OR6C2: variants seen among roughly 807,000 people sequenced by gnomAD.
OR6C2 encodes the protein olfactory receptor family 6 subfamily C member 2, also known as olfactory receptor 6C2.
For synonymous variants in OR6C2, 146 were observed against 134.2 expected (o/e 1.09, Z -0.61); for missense variants, 435 against 365.8 (o/e 1.19, Z -1.54).
In OR6C2 at chr12:55,451,881, ATTTC is replaced by A. The variant is rs893997601; in HGVS notation, c.-327_-324del. 1 of 213,848 alleles carries A rather than the reference ATTTC, an allele frequency of 4.7e-6. No homozygotes were observed. The allele number at this position is 213,848 out of a possible 1,614,324, so 13.2% of individuals were successfully genotyped here. ...GTTTAAGTACCTATAAAATGACATCATTTCTTTCTAACCCATTTGTAAATCCATT... is the reference window on the plus strand; with the variant it reads ...GTTTAAGTACCTATAAAATGACATCATTTCTAACCCATTTGTAAATCCATT... On this transcript the variant is annotated 5_prime_UTR_variant, in exon 2 of 2. An upstream open reading frame in the 5' UTR gains an earlier in-frame stop. Transcript: ENST00000641202.
rs1190067839 is a variant in OR6C2, at chr12:55,451,438, T to C, written c.-776T>C. ...TGTCTTTCTAAAGGACCTAAAGATATATTGAAAAAGACGCAGCCTAGAAGA... is the reference window on the plus strand; with the variant it reads ...TGTCTTTCTAAAGGACCTAAAGATACATTGAAAAAGACGCAGCCTAGAAGA... On this transcript the variant is annotated 5_prime_UTR_variant, in exon 2 of 2. Coordinates refer to ENST00000641202, the MANE Select transcript of OR6C2 (RefSeq NM_054105.2). 1.3e-5 allele frequency: 2 copies of C among 152,016 alleles called. No individual in the cohort carries two copies. The highest frequency in any genetic ancestry group is 2.4e-5 in the African/African-American group (1 of 41,416). 9.4% of individuals were successfully genotyped at this position (152,016 alleles called of 1,614,324 possible).
chr12:55,448,377 A>G (rs1483254333), intron 1 of OR6C2, among the ~76,000 whole-genome samples: 2 of 151,208 alleles, frequency 1.3e-5, no homozygotes, highest in Non-Finnish European at 3.0e-5. Context: ...GAATTTGTAT[A>G]ACATTAATTA....
At chr12:55,447,440 C>G (rs1336098620) in intron 1 of OR6C2, among the ~76,000 whole-genome samples, 1 of 151,960 alleles carries the variant, frequency 6.6e-6, no homozygotes, top group African/African-American at 2.4e-5. Flanking sequence ...CTAGAACTTA[C>G]TCATCCTGCA....
In OR6C2 at chr12:55,452,174, G is replaced by C; in HGVS notation, c.-40G>C. ...AAATATCTACCCCCTCATAAACCGTGATTTTTAAAGGAGGATTGGGTAGAT... is the reference window on the plus strand; with the variant it reads ...AAATATCTACCCCCTCATAAACCGTCATTTTTAAAGGAGGATTGGGTAGAT... On this transcript the variant is annotated 5_prime_UTR_variant, in exon 2 of 2. Coordinates refer to ENST00000641202, the MANE Select transcript of OR6C2 (RefSeq NM_054105.2). The C allele has an allele frequency of 3.0e-6, 4 of 1,346,324 alleles. No homozygotes were observed. The highest frequency in any genetic ancestry group is 4.1e-6 in the Non-Finnish European group (4 of 982,094). The allele number at this position is 1,346,324 out of a possible 1,614,324, so 83.4% of individuals were successfully genotyped here. A position where few individuals can be genotyped will look rare whatever the true frequency, so the allele number is the denominator to read the frequency against.
intron 1 of OR6C2, among the ~76,000 whole-genome samples, chr12:55,447,323 G>GTTT (rs57564362): frequency 6.9e-6 from 1 of 144,500 alleles, no homozygotes; most frequent in Non-Finnish European, 1.5e-5. Context: ...TAGTTTTTGG[G>GTTT]TTTTTTTTTT....
chr12:55,444,803 G>A (rs1230254697), intron 1 of OR6C2, among the ~76,000 whole-genome samples: 1 of 152,162 alleles, frequency 6.6e-6, no homozygotes, highest in African/African-American at 2.4e-5. Flanking sequence ...TGACCCTGAA[G>A]TAGTTGGGAG....
In OR6C2 at chr12:55,453,166, T is replaced by C. The variant is rs1022251817; in HGVS notation, c.*14T>C. 5.0e-6 allele frequency: 8 copies of C among 1,593,458 alleles called. No homozygotes were observed. The highest frequency in any genetic ancestry group is 6.9e-6 in the Non-Finnish European group (8 of 1,164,510). ...TCAAAGAAGTAGAAGCTGTGATGAA[T>C]TGGCATAAAGTGAATGAAGAAGGCT... On this transcript the variant is annotated 3_prime_UTR_variant, in exon 2 of 2. Coordinates refer to ENST00000641202, the MANE Select transcript of OR6C2 (RefSeq NM_054105.2).
intron 1 of OR6C2, among the ~76,000 whole-genome samples, chr12:55,446,002 C>T (rs1343375291): frequency 6.6e-6 from 1 of 152,188 alleles, no homozygotes; most frequent in Non-Finnish European, 1.5e-5. Flanking sequence ...TGACAAATGT[C>T]TTTGATATTT....
Position 55,453,189 on chromosome 12 carries a change from G to A in OR6C2, c.*37G>A. The A allele has an allele frequency of 6.8e-7, 1 of 1,477,590 alleles. No individual in the cohort carries two copies. The highest frequency in any genetic ancestry group is 9.4e-7 in the Non-Finnish European group (1 of 1,068,932). The allele number at this position is 1,477,590 out of a possible 1,614,324, so 91.5% of individuals were successfully genotyped here. A position where few individuals can be genotyped will look rare whatever the true frequency, so the allele number is the denominator to read the frequency against. ...AATTGGCATAAAGTGAATGAAGAAG[G>A]CTCCCTAAATGTCATCCTACAGCTT... On this transcript the variant is annotated 3_prime_UTR_variant, in exon 2 of 2. Transcript: ENST00000641202.
In OR6C2 at chr12:55,452,238, A is replaced by C. The variant is rs1355773349; in HGVS notation, c.25A>C (p.Thr9Pro). MKNHTVIR[T>P]FILLGLTGDP... ...GATGAAAAACCACACAGTAATAAGAACTTTTATCCTGCTGGGACTGACAGG... is the reference window on the plus strand; with the variant it reads ...GATGAAAAACCACACAGTAATAAGACCTTTTATCCTGCTGGGACTGACAGG... Residue 9 changes from threonine to proline, a missense_variant, in exon 2 of 2, where the codon ACT becomes CCT. Coordinates refer to ENST00000641202, the MANE Select transcript of OR6C2 (RefSeq NM_054105.2). 1 of 1,587,914 alleles carries C rather than the reference A, an allele frequency of 6.3e-7. No homozygotes were observed.
rs151072613 is a variant in OR6C2, at chr12:55,450,331, C to T, written c.-887-996C>T. On this transcript the variant is annotated intron_variant, in intron 1 of 1. Transcript: ENST00000641202. ...CAGTCAAAAGATTAGCCTGTGCAGACAAGAGCATGTAGAAAATTGAAGAAT... is the reference window on the plus strand; with the variant it reads ...CAGTCAAAAGATTAGCCTGTGCAGATAAGAGCATGTAGAAAATTGAAGAAT... 3.5e-3 allele frequency among the ~76,000 whole-genome samples: 530 copies of T among 152,034 alleles called. 7 individuals are homozygous for T. The highest frequency in any genetic ancestry group is 0.024 in the Middle Eastern group (7 of 294).
rs757908195 is a variant in OR6C2, at chr12:55,452,826, CT to C, written c.614del (p.Leu205ProfsTer5). On this transcript the variant is annotated frameshift_variant, in exon 2 of 2. Coordinates refer to ENST00000641202, the MANE Select transcript of OR6C2 (RefSeq NM_054105.2). LOFTEE classifies it low-confidence loss of function (END_TRUNC). ...GGTTATACTTATGGCTGTATTTGCA[CT>C]CATTATCACCCTAGTTTGTGTGATT... ...QMVILMAVFA[L>X]IITLVCVILS... 1.9e-6 allele frequency: 3 copies of C among 1,613,824 alleles called. No individual in the cohort carries two copies. The highest frequency in any genetic ancestry group is 2.5e-6 in the Non-Finnish European group (3 of 1,179,790).
chr12:55,449,696 T>C (rs906146439), intron 1 of OR6C2, among the ~76,000 whole-genome samples: 20 of 151,640 alleles, frequency 1.3e-4, no homozygotes, highest in Admixed American at 1.3e-3. Flanking sequence ...TAGAAAATGA[T>C]ATATGAGAAT....
chr12:55,452,046 G>A lies in OR6C2; in HGVS notation c.-168G>A, dbSNP rs1871483315. ...TGCTCATATATGTGAAATTTAGAAA[G>A]GTTATTGGAACACTGGCAACATTGA... On this transcript the variant is annotated 5_prime_UTR_variant, in exon 2 of 2. Coordinates refer to ENST00000641202, the MANE Select transcript of OR6C2 (RefSeq NM_054105.2). 2.0e-6 allele frequency: 1 copy of A among 508,412 alleles called. No homozygotes were observed. The highest frequency in any genetic ancestry group is 3.4e-6 in the Non-Finnish European group (1 of 290,652). 31.5% of individuals were successfully genotyped at this position (508,412 alleles called of 1,614,324 possible). A position where few individuals can be genotyped will look rare whatever the true frequency, so the allele number is the denominator to read the frequency against.
chr12:55,446,643 C>T (rs1323136723), intron 1 of OR6C2, among the ~76,000 whole-genome samples: 1 of 151,978 alleles, frequency 6.6e-6, no homozygotes, highest in Non-Finnish European at 1.5e-5. Context: ...ATGCACACAG[C>T]CAGTATACCT....
chr12:55,453,147 A>G lies in OR6C2; in HGVS notation c.934A>G (p.Lys312Glu), dbSNP rs755379358. Residue 312 changes from lysine to glutamate, a missense_variant, in exon 2 of 2, where the codon AAG becomes GAG. Coordinates refer to ENST00000641202, the MANE Select transcript of OR6C2 (RefSeq NM_054105.2). ...AAAGAGGATTGCATTTCTCTCAAAG[A>G]AGTAGAAGCTGTGATGAATTGGCAT... Reference protein sequence around the residue: ...SIKRIAFLSKK With the variant: ...SIKRIAFLSKE The G allele has an allele frequency of 1.5e-5, 24 of 1,608,230 alleles. No individual in the cohort carries two copies. The highest frequency in any genetic ancestry group is 2.0e-5 in the Non-Finnish European group (24 of 1,176,444).
At chr12:55,447,927 G>A (rs1592297182) in intron 1 of OR6C2, among the ~76,000 whole-genome samples, 1 of 152,014 alleles carries the variant, frequency 6.6e-6, no homozygotes, top group East Asian at 1.9e-4. Flanking sequence ...ATTTTCTATG[G>A]TGGCTACACC....
chr12:55,452,140 A>G lies in OR6C2; in HGVS notation c.-74A>G, dbSNP rs904307674. 3 of 929,224 alleles carry G rather than the reference A, an allele frequency of 3.2e-6. No individual in the cohort carries two copies. The Middle Eastern group carries it at 6.8e-4, about 209-fold the overall frequency. 57.6% of individuals were successfully genotyped at this position (929,224 alleles called of 1,614,324 possible). A position where few individuals can be genotyped will look rare whatever the true frequency, so the allele number is the denominator to read the frequency against. On this transcript the variant is annotated 5_prime_UTR_variant, in exon 2 of 2. Coordinates refer to ENST00000641202, the MANE Select transcript of OR6C2 (RefSeq NM_054105.2). ...GCTTCTAGATGCATATCCTTTTGCT[A>G]TAGAATTCAAATATCTACCCCCTCA... is the stretch of plus-strand genomic sequence containing the variant.
chr12:55,452,772 T>C lies in OR6C2; in HGVS notation c.559T>C (p.Cys187Arg), dbSNP rs1871509461. 6.2e-7 allele frequency: 1 copy of C among 1,613,764 alleles called. No individual in the cohort carries two copies. ...TGCAGGTCCTCTCCTAAAGATCTCA[T>C]GCTCAGATACATGGGTAATAGAACA... is the stretch of plus-strand genomic sequence containing the variant. The part of the protein sequence containing the change: ...CDAGPLLKIS[C>R]SDTWVIEQMV... The change falls in exon 2 of 2, where the codon TGC becomes CGC. Residue 187 changes from cysteine to arginine, a missense_variant. By Grantham distance (180) the Cys-to-Arg change is radical (BLOSUM62 -3). Transcript: ENST00000641202.
Sources: gnomAD v4.1 joint callset for allele counts (sites outside exome capture counted in the v4.1 genomes callset) on GRCh38, gnomAD v4.1.1 for gene constraint, MANE v1.5 for transcripts, NCBI Gene and HGNC (gene_info 2026-07-23, HGNC 2026-07-21) for gene names.